EXOC6: variants seen among roughly 807,000 people sequenced by gnomAD.
EXOC6 encodes the protein SEC15-like 1.
In EXOC6, 60 loss-of-function variants were observed where a neutral mutation model predicts 112.5. That is an observed-to-expected ratio of 0.53 (90% CI 0.43 to 0.66). The LOEUF is 0.66. Among genes scored for constraint, EXOC6 ranks in the 30% least tolerant of loss-of-function variants. EXOC6 has a pLI of 0.00. For synonymous variants in EXOC6, 295 were observed against 308.0 expected (o/e 0.96, Z 0.44); for missense variants, 855 against 957.1 (o/e 0.89, Z 1.41).
At chr10:93,019,027 T>A (rs1323677770) in intron 20 of EXOC6, among the ~76,000 whole-genome samples, 1 of 152,078 alleles carries the variant, frequency 6.6e-6, no homozygotes, top group African/African-American at 2.4e-5. Context: ...AAGAATTACA[T>A]GGAACTGAAC....
chr10:92,892,218 A>G (rs562042685), intron 1 of EXOC6, among the ~76,000 whole-genome samples: 55 of 152,360 alleles, frequency 3.6e-4, no homozygotes, highest in African/African-American at 1.3e-3. Flanking sequence ...CAAAAACAAC[A>G]ACAACAAAAA....
intron 18 of EXOC6, among the ~76,000 whole-genome samples, chr10:92,975,858 G>A (rs1475289386): frequency 1.3e-4 from 17 of 134,722 alleles, no homozygotes; most frequent in East Asian, 4.9e-4. Context: ...CTGCCCGGCC[G>A]CCCCTACTGG....
chr10:92,883,042 T>G (rs1417912244), intron 1 of EXOC6, among the ~76,000 whole-genome samples: 2 of 152,222 alleles, frequency 1.3e-5, no homozygotes, highest in East Asian at 3.8e-4. Context: ...CTCAGAAAGC[T>G]TACTATTTGC....
chr10:92,940,477 G>C (rs995330904), intron 12 of EXOC6, among the ~76,000 whole-genome samples: 3 of 151,984 alleles, frequency 2.0e-5, no homozygotes, highest in Non-Finnish European at 2.9e-5. Flanking sequence ...GGCTAACACT[G>C]TAATCATTAC....
At chr10:93,043,307 T>C (rs969300484) in intron 20 of EXOC6, among the ~76,000 whole-genome samples, 3 of 152,254 alleles carry the variant, frequency 2.0e-5, no homozygotes, top group Non-Finnish European at 4.4e-5. Flanking sequence ...AGTCGTTGCA[T>C]ACTCTCTTAA....
intron 18 of EXOC6, among the ~76,000 whole-genome samples, chr10:92,990,887 T>G (rs1171109625): frequency 6.6e-6 from 1 of 152,058 alleles, no homozygotes; most frequent in African/African-American, 2.4e-5. Context: ...CCTCAGCAAA[T>G]GAAGTTCTGC....
Position 92,952,238 on chromosome 10 carries a change from A to T in EXOC6, c.1417-35A>T, listed in dbSNP as rs775798693. ...AGTGATTAGCATGTCTTTTTCTAAAATTTCAAAAACAATATTAACTTTCTT... is the reference window on the plus strand; with the variant it reads ...AGTGATTAGCATGTCTTTTTCTAAATTTTCAAAAACAATATTAACTTTCTT... On this transcript the variant is annotated intron_variant, in intron 14 of 21. Transcript: ENST00000260762. 3.2e-5 allele frequency: 45 copies of T among 1,391,160 alleles called. No individual in the cohort carries two copies. The African/African-American group carries it at 6.3e-4, about 20-fold the overall frequency. 86.2% of individuals were successfully genotyped at this position (1,391,160 alleles called of 1,614,324 possible).
chr10:92,974,224 C>T lies in EXOC6; in HGVS notation c.1945C>T (p.His649Tyr). 1.3e-6 allele frequency: 2 copies of T among 1,551,482 alleles called. No homozygotes were observed. ...GAGAAGCATCTTTCAAGTGTTTACTCATTTGCCTGTAAGTATAAAAATTTT... is the reference window on the plus strand; with the variant it reads ...GAGAAGCATCTTTCAAGTGTTTACTTATTTGCCTGTAAGTATAAAAATTTT... The part of the protein sequence containing the change: ...FLRSIFQVFT[H>Y]LPGKVAQTAC... Residue 649 changes from histidine to tyrosine, a missense_variant, in exon 18 of 22, where the codon CAT becomes TAT. Physicochemically the swap from His to Tyr is moderately conservative, Grantham distance 83 (BLOSUM62 2). This residue lies in a region of EXOC6 where 450 missense variants were observed against 563.5 expected (regional missense o/e 0.80). Coordinates refer to ENST00000260762, the MANE Select transcript of EXOC6 (RefSeq NM_019053.6).
intron 1 of EXOC6, among the ~76,000 whole-genome samples, chr10:92,837,090 A>G (rs1846680978): frequency 7.7e-6 from 1 of 129,212 alleles, no homozygotes; most frequent in South Asian, 2.6e-4. Flanking sequence ...TGAAATGGTT[A>G]TAACATAACA....
intron 20 of EXOC6, among the ~76,000 whole-genome samples, chr10:93,050,960 A>G (rs983714211): frequency 1.3e-5 from 2 of 152,040 alleles, no homozygotes; most frequent in Non-Finnish European, 2.9e-5. Context: ...TGTTGGTTTC[A>G]TGATATGCTC....
chr10:92,879,102 A>G (rs1454113250), intron 1 of EXOC6, among the ~76,000 whole-genome samples: 2 of 152,200 alleles, frequency 1.3e-5, no homozygotes, highest in Non-Finnish European at 2.9e-5. Context: ...AGGACTGCCA[A>G]AAATTATCTT....
chr10:92,848,041 C>A (rs1419966866), upstream of EXOC6, among the ~76,000 whole-genome samples: 1 of 152,020 alleles, frequency 6.6e-6, no homozygotes, highest in Admixed American at 6.6e-5. Flanking sequence ...CTATCACATG[C>A]AATTTTGCTT....
intron 18 of EXOC6, among the ~76,000 whole-genome samples, chr10:92,989,886 A>G (rs1345354783): frequency 1.3e-5 from 2 of 152,214 alleles, no homozygotes; most frequent in African/African-American, 4.8e-5. Flanking sequence ...GTATTTTCAA[A>G]AAGTTCTTTA....
At chr10:93,028,476 C>T (rs538165595) in intron 20 of EXOC6, among the ~76,000 whole-genome samples, 37 of 152,190 alleles carry the variant, frequency 2.4e-4, no homozygotes, top group Middle Eastern at 3.4e-3. Flanking sequence ...TTACTTCTAA[C>T]GGATAAGCAG....
intron 19 of EXOC6, among the ~76,000 whole-genome samples, chr10:93,002,434 G>A (rs546990337): frequency 6.6e-6 from 1 of 152,270 alleles, no homozygotes; most frequent in South Asian, 2.1e-4. Flanking sequence ...GTCCCCAAAT[G>A]AGCAGCAATA....
chr10:93,004,508 A>G (rs931236579), intron 19 of EXOC6, among the ~76,000 whole-genome samples: 8 of 152,212 alleles, frequency 5.3e-5, no homozygotes, highest in African/African-American at 1.9e-4. Context: ...TTTCATAAAA[A>G]TTCTTCACAT....
chr10:93,027,352 A>G (rs1172961332), intron 20 of EXOC6, among the ~76,000 whole-genome samples: 2 of 152,244 alleles, frequency 1.3e-5, no homozygotes, highest in East Asian at 1.9e-4. Context: ...AGGCTACAGC[A>G]AGTAATTTAT....
At chr10:93,018,613 CT>C (rs11290790) in intron 20 of EXOC6, among the ~76,000 whole-genome samples, 48,915 of 147,404 alleles carry the variant, frequency 0.33, 8,700 homozygotes, top group East Asian at 0.77. Flanking sequence ...TAAAAAGGAA[CT>C]TTTTTTTTTT....
chr10:92,885,201 C>G (rs1018285182), intron 1 of EXOC6, among the ~76,000 whole-genome samples: 2 of 151,946 alleles, frequency 1.3e-5, no homozygotes, highest in African/African-American at 4.8e-5. Context: ...CTTTGGTTTT[C>G]AAGGGTTGAT....
Sources: gnomAD v4.1 joint callset for allele counts (sites outside exome capture counted in the v4.1 genomes callset) on GRCh38, gnomAD v4.1.1 for gene constraint, gnomAD v4.1.1 regional missense constraint, MANE v1.5 for transcripts, NCBI Gene and HGNC (gene_info 2026-07-23, HGNC 2026-07-21) for gene names.